CALN1: variants seen among roughly 807,000 people sequenced by gnomAD.
CALN1 encodes calcium-binding protein 8.
CALN1 carries 17 observed loss-of-function variants against 30.6 expected under a neutral mutation model. The ratio of observed to expected loss-of-function variants is 0.56; its 90% CI spans 0.38 to 0.83. The LOEUF (loss-of-function observed/expected upper bound fraction) is 0.83. Ranked by LOEUF, CALN1 falls within the 40% of genes least tolerant of loss-of-function variation. The pLI, the probability that CALN1 is intolerant of heterozygous loss-of-function variation, is 0.00. For synonymous variants in CALN1, 156 were observed against 131.4 expected, an observed-to-expected ratio of 1.19 and a Z score of -1.28; for missense variants, 291 against 354.9, an observed-to-expected ratio of 0.82 and a Z score of 1.45.
chr7:72,348,759 C>CT (rs1417055971), intron 2 of CALN1, among the ~76,000 whole-genome samples: 2 of 152,174 alleles, frequency 1.3e-5, no homozygotes, highest in Non-Finnish European at 2.9e-5. Context: ...AAGACTTGAC[C>CT]TAACAAAGCT....
At chr7:71,997,514 AG>A (rs1488882808) in intron 5 of CALN1, among the ~76,000 whole-genome samples, 2 of 152,214 alleles carry the variant, frequency 1.3e-5, no homozygotes, top group African/African-American at 2.4e-5. Flanking sequence ...TATTCAAAGA[AG>A]GAATAGCCAA....
intron 2 of CALN1, among the ~76,000 whole-genome samples, chr7:72,390,530 C>G (rs927481819): frequency 2.0e-5 from 3 of 152,158 alleles, no homozygotes; most frequent in Admixed American, 2.0e-4. Flanking sequence ...GAATAGAATT[C>G]AAGAGGTCCA....
chr7:71,880,815 G>A (rs927928786), intron 5 of CALN1, among the ~76,000 whole-genome samples: 1 of 152,194 alleles, frequency 6.6e-6, no homozygotes, highest in Non-Finnish European at 1.5e-5. Flanking sequence ...TTTGTCAGGA[G>A]TTATCTTCCC....
At chr7:71,822,826 A>G (rs1422097454) in intron 5 of CALN1, among the ~76,000 whole-genome samples, 3 of 152,112 alleles carry the variant, frequency 2.0e-5, no homozygotes, top group Non-Finnish European at 4.4e-5. Context: ...TACTATTTGC[A>G]TCTTTTTCTA....
intron 5 of CALN1, chr7:71,942,546 ATATTT>A (rs1170283243): frequency 6.5e-6 from 1 of 154,068 alleles, no homozygotes; most frequent in Non-Finnish European, 1.5e-5. Flanking sequence ...ATCTGCTCCT[ATATTT>A]TATTTTTTGC....
At chr7:72,028,301 A>C (rs1801223203) in intron 4 of CALN1, among the ~76,000 whole-genome samples, 1 of 152,154 alleles carries the variant, frequency 6.6e-6, no homozygotes, top group African/African-American at 2.4e-5. Context: ...CTCAGGGTGC[A>C]GGGAGCGCAG....
At chr7:72,307,431 C>T (rs888182965) in intron 2 of CALN1, among the ~76,000 whole-genome samples, 10 of 152,144 alleles carry the variant, frequency 6.6e-5, no homozygotes, top group African/African-American at 2.4e-4. Context: ...GGCTGAAGCC[C>T]GTCTGGCCGC....
At position 72,112,198 on chromosome 7, in the gene CALN1, T is replaced by A. The variant is rs76928037; in HGVS notation, c.245-5904A>T. On this transcript the variant is annotated intron_variant, in intron 3 of 6. Transcript: ENST00000395275. Reference sequence around the variant, plus strand: ...CTATCGCAGGGAGGAGACTCATTTCTCAGGCATCAGATAAAGTCCAGACAC... The same window carrying A: ...CTATCGCAGGGAGGAGACTCATTTCACAGGCATCAGATAAAGTCCAGACAC... Among the ~76,000 whole-genome samples the A allele has an allele frequency of 8.5e-5, 13 of 152,322 alleles. No individual in the cohort carries two copies. In the East Asian group the frequency reaches 2.5e-3, roughly 29 times the overall value.
chr7:72,289,716 G>A (rs537983407), intron 2 of CALN1, among the ~76,000 whole-genome samples: 2 of 152,150 alleles, frequency 1.3e-5, no homozygotes, highest in South Asian at 4.1e-4. Flanking sequence ...GTAGCAAAAT[G>A]ATTAGGAAGT....
the CALN1 span, among the ~76,000 whole-genome samples, chr7:72,461,515 T>A: frequency 5.9e-5 from 9 of 152,174 alleles, no homozygotes; most frequent in Non-Finnish European, 1.2e-4. Context: ...GCCACATGGA[T>A]GCAGCTGGAG....
rs775937280 is a variant in CALN1 at position 72,146,148 on chromosome 7, AG to A, written c.245-39855del. ...GCAATCAGGCAGGAGAAAGAAATAA[AG>A]GGTATTCAATTAGGAAAAGAGGAAG... On this transcript the variant is annotated intron_variant, in intron 3 of 6. Transcript: ENST00000395275. Among the ~76,000 whole-genome samples the A allele has an allele frequency of 8.5e-5, 13 of 152,344 alleles. No homozygotes were observed. In the South Asian group the frequency reaches 2.7e-3, roughly 32 times the overall value.
At chr7:72,250,633 C>T (rs573487961) in intron 3 of CALN1, among the ~76,000 whole-genome samples, 2 of 152,116 alleles carry the variant, frequency 1.3e-5, no homozygotes, top group African/African-American at 4.8e-5. Context: ...TGGTTTGGTG[C>T]CCTCCCTGCA....
At chr7:71,901,887 C>T (rs1308344023) in intron 5 of CALN1, among the ~76,000 whole-genome samples, 1 of 151,984 alleles carries the variant, frequency 6.6e-6, no homozygotes, top group Non-Finnish European at 1.5e-5. Context: ...ACCTCAAATG[C>T]AACAAAAACA....
intron 5 of CALN1, among the ~76,000 whole-genome samples, chr7:71,972,735 G>C (rs1004279206): frequency 2.5e-4 from 38 of 152,106 alleles, no homozygotes; most frequent in African/African-American, 8.7e-4. Context: ...TCATTCACAC[G>C]TGTGCTTGGC....
intron 3 of CALN1, among the ~76,000 whole-genome samples, chr7:72,223,398 C>A (rs1301572957): frequency 2.6e-5 from 4 of 152,082 alleles, no homozygotes; most frequent in Non-Finnish European, 5.9e-5. Context: ...AAATCGTGCT[C>A]CTTCAGCTTC....
At chr7:72,494,415 C>T in the CALN1 span, among the ~76,000 whole-genome samples, 2 of 152,212 alleles carry the variant, frequency 1.3e-5, no homozygotes, top group South Asian at 2.1e-4. Context: ...GCACCCACGC[C>T]GTGCCAGGCA....
chr7:71,907,714 A>C (rs1794217258), intron 5 of CALN1, among the ~76,000 whole-genome samples: 1 of 152,264 alleles, frequency 6.6e-6, no homozygotes, highest in South Asian at 2.1e-4. Flanking sequence ...TCCAGGAACA[A>C]TGCATAGTGC....
chr7:72,118,888 A>C (rs939207463), intron 3 of CALN1, among the ~76,000 whole-genome samples: 1 of 152,214 alleles, frequency 6.6e-6, no homozygotes, highest in Non-Finnish European at 1.5e-5. Context: ...GCAAGTCCAG[A>C]GGATCAACAA....
chr7:72,356,119 T>C (rs569797638), intron 2 of CALN1, among the ~76,000 whole-genome samples: 1 of 152,214 alleles, frequency 6.6e-6, no homozygotes, highest in Non-Finnish European at 1.5e-5. Flanking sequence ...TATTCTGTGT[T>C]CATTTAAAAT....
Sources: gnomAD v4.1 joint callset for allele counts (sites outside exome capture counted in the v4.1 genomes callset) on GRCh38, gnomAD v4.1.1 for gene constraint, MANE v1.5 for transcripts, NCBI Gene and HGNC (gene_info 2026-07-23, HGNC 2026-07-21) for gene names.